The following RALGDS variants were observed in gnomAD, a reference collection of about 807,000 sequenced individuals.
RALGDS encodes ral guanine nucleotide dissociation stimulator, also known as ral guanine nucleotide exchange factor.
RALGDS carries 44 observed loss-of-function variants against 99.8 expected under a neutral mutation model. That is an observed-to-expected ratio of 0.44 (90% confidence interval 0.35 to 0.57). RALGDS has a LOEUF of 0.57. RALGDS is among the 20% of genes least tolerant of loss of function. The probability of loss-of-function intolerance (pLI) is 0.01; values close to 1 mark genes in which losing one functional copy is unlikely to be tolerated. For missense variants in RALGDS, 1,022 were observed against 1,203.1 expected (o/e 0.85, Z 2.23); for synonymous variants, 529 against 505.0 (o/e 1.05, Z -0.64).
chr9:133,098,138 G>C lies in RALGDS; in HGVS notation c.*449C>G. On this transcript the variant is annotated 3_prime_UTR_variant, in exon 18 of 18. Transcript: ENST00000372050. ...GTGCAGCCTGAGAAAGGCTAGAGTG[G>C]TGGGAGGGGCCGGGACCCCTGCGAA... is the stretch of plus-strand genomic sequence containing the variant. 1 of 294,510 alleles carries C rather than the reference G, an allele frequency of 3.4e-6. No homozygotes were observed. Among genetic ancestry groups the C allele is most frequent in the Non-Finnish European group, 6.5e-6 (1 of 153,746 alleles). The allele number at this position is 294,510 out of a possible 1,614,324, so 18.2% of individuals were successfully genotyped here.
rs1247166120 is a variant in RALGDS at position 133,102,474 on chromosome 9, A to C, written c.2009+2T>G. 1 of 1,613,486 alleles carries C rather than the reference A, an allele frequency of 6.2e-7. No homozygotes were observed. Among genetic ancestry groups the C allele is most frequent in the Non-Finnish European group, 8.5e-7 (1 of 1,179,762 alleles). On this transcript the variant is annotated splice_donor_variant, in intron 14 of 17. Transcript: ENST00000372050. LOFTEE classifies it high-confidence loss of function. Reference sequence around the variant, plus strand: ...CCCTACCACCCTTGGCCAGGCCCTTACTCGCTCCAGCGCTTGACAATGGCT... The same window carrying C: ...CCCTACCACCCTTGGCCAGGCCCTTCCTCGCTCCAGCGCTTGACAATGGCT...
Position 133,104,348 on chromosome 9 carries a change from C to G in RALGDS, c.1603-17G>C. On this transcript the variant is annotated splice_polypyrimidine_tract_variant and intron_variant, in intron 9 of 17. Coordinates refer to ENST00000372050, the MANE Select transcript of RALGDS (RefSeq NM_006266.4). The stretch of plus-strand genomic sequence containing the variant: ...GGTGCCCTCCTGCCAGGGTAGAGGA[C>G]AGGGTCAGCAAGGCCCTATCCCCTC... 1 of 1,604,222 alleles carries G rather than the reference C, an allele frequency of 6.2e-7. No individual in the cohort carries two copies. Among genetic ancestry groups the G allele is most frequent in the Non-Finnish European group, 8.5e-7 (1 of 1,171,106 alleles).
intron 4 of RALGDS, 43 bp downstream of exon 4, chr9:133,109,583 G>C (rs748963897): frequency 6.5e-7 from 1 of 1,534,924 alleles, no homozygotes; most frequent in Admixed American, 1.7e-5. Flanking sequence ...CCCACTGTTC[G>C]GTGGGGACAG....
At chr9:133,103,202 C>T (rs1272707886) in intron 12 of RALGDS, 28 bp downstream of exon 12, 1 of 1,613,752 alleles carries the variant, frequency 6.2e-7, no homozygotes, top group Non-Finnish European at 8.5e-7. Flanking sequence ...CACCCCTCCC[C>T]AAGTCAGGGC....
In RALGDS at chr9:133,101,996, T is replaced by G; in HGVS notation, c.2153A>C (p.Asp718Ala). 6.4e-7 allele frequency: 1 copy of G among 1,552,174 alleles called. No homozygotes were observed. The highest frequency in any genetic ancestry group is 8.7e-7 in the Non-Finnish European group (1 of 1,147,448). Residue 718 changes from aspartate (D) to alanine (A), a missense_variant, in exon 15 of 18, where the codon GAC becomes GCC. Transcript: ENST00000372050. Reference sequence around the variant, plus strand: ...GAAGCTGATGTTGATCTCCTCCACGTCGGAGCTAGAGGAGCCGGCCGAGTG... The same window carrying G: ...GAAGCTGATGTTGATCTCCTCCACGGCGGAGCTAGAGGAGCCGGCCGAGTG... ...SVHSAGSSSS[D>A]VEEINISFVP...
chr9:133,104,995 GC>G (rs1830948458), intron 9 of RALGDS, among the ~76,000 whole-genome samples: 1 of 152,120 alleles, frequency 6.6e-6, no homozygotes, highest in Admixed American at 6.5e-5. Flanking sequence ...CTTGCCCTGG[GC>G]CCCCCAGGGA....
chr9:133,110,998 G>A (rs1227209736), intron 2 of RALGDS, among the ~76,000 whole-genome samples: 1 of 152,188 alleles, frequency 6.6e-6, no homozygotes, highest in Non-Finnish European at 1.5e-5. Context: ...AGCCCAGGAG[G>A]TCAAGGCTGC....
intron 1 of RALGDS, among the ~76,000 whole-genome samples, chr9:133,137,722 C>T (rs971982777): frequency 4.6e-5 from 7 of 152,320 alleles, no homozygotes; most frequent in East Asian, 3.9e-4. Context: ...TGCCCTGGGA[C>T]GGTGGAGGCG....
At chr9:133,113,670 T>C (rs998468927) in intron 1 of RALGDS, among the ~76,000 whole-genome samples, 5 of 152,172 alleles carry the variant, frequency 3.3e-5, no homozygotes, top group Non-Finnish European at 7.4e-5. Context: ...TAGAAAGTTG[T>C]TCCTTTGAAA....
rs1212615246 is a variant in RALGDS at position 133,098,337 on chromosome 9, C to A, written c.*250G>T. 4 of 548,768 alleles carry A rather than the reference C, an allele frequency of 7.3e-6. No individual in the cohort carries two copies. The Admixed American group carries it at 9.3e-5, about 13-fold the overall frequency. The allele number at this position is 548,768 out of a possible 1,614,324, so 34.0% of individuals were successfully genotyped here. A position where few individuals can be genotyped will look rare whatever the true frequency, so the allele number is the denominator to read the frequency against. ...CCATGCCATGCCCGTTGGCACTGCT[C>A]CTTGGCAAAAGTCAGCTAGTCCTCT... On this transcript the variant is annotated 3_prime_UTR_variant, in exon 18 of 18. Coordinates refer to ENST00000372050, the MANE Select transcript of RALGDS (RefSeq NM_006266.4).
chr9:133,128,873 C>T (rs1564250313), intron 1 of RALGDS, among the ~76,000 whole-genome samples: 1 of 152,214 alleles, frequency 6.6e-6, no homozygotes, highest in African/African-American at 2.4e-5. Flanking sequence ...GGACAGCCCG[C>T]AGCCACCCTG....
chr9:133,145,598 TA>T (rs1784184477), intron 1 of RALGDS, among the ~76,000 whole-genome samples: 1 of 152,116 alleles, frequency 6.6e-6, no homozygotes, highest in Non-Finnish European at 1.5e-5. Context: ...CACTTCCAGG[TA>T]CTCACAGCCA....
At chr9:133,116,720 C>T (rs1831626559) in intron 1 of RALGDS, among the ~76,000 whole-genome samples, 1 of 152,258 alleles carries the variant, frequency 6.6e-6, no homozygotes, top group South Asian at 2.1e-4. Flanking sequence ...GGACACCCAT[C>T]ACGTTTAATC....
chr9:133,148,823 G>C, intron 1 of RALGDS: 1 of 1,012,544 alleles, frequency 9.9e-7, no homozygotes, highest in African/African-American at 1.7e-5. Context: ...TACTGTCCCG[G>C]GCGGGGTTGG....
intron 9 of RALGDS, among the ~76,000 whole-genome samples, chr9:133,104,957 G>A (rs578257726): frequency 2.8e-3 from 423 of 152,306 alleles, no homozygotes; most frequent in African/African-American, 9.7e-3. Context: ...TCTAGATGAG[G>A]AAACTATGGC....
chr9:133,130,205 C>T (rs1201663991), intron 1 of RALGDS, among the ~76,000 whole-genome samples: 3 of 151,712 alleles, frequency 2.0e-5, no homozygotes, highest in Admixed American at 6.6e-5. Flanking sequence ...CTCCTGACCT[C>T]GTGATATGCC....
chr9:133,115,604 C>G (rs569632129), intron 1 of RALGDS, among the ~76,000 whole-genome samples: 1 of 152,200 alleles, frequency 6.6e-6, no homozygotes, highest in Non-Finnish European at 1.5e-5. Flanking sequence ...GGTGTGTCAT[C>G]TGGGGAGGGC....
At chr9:133,125,206 A>G (rs1006740645), upstream of RALGDS, among the ~76,000 whole-genome samples, 1 of 152,240 alleles carries the variant, frequency 6.6e-6, no homozygotes, top group Non-Finnish European at 1.5e-5. Context: ...GACATTAGAC[A>G]TCTTTTTAGG....
intron 5 of RALGDS, 66 bp downstream of exon 5, chr9:133,108,607 T>C (rs1190662780): frequency 6.3e-7 from 1 of 1,586,318 alleles, no homozygotes; most frequent in African/African-American, 1.4e-5. Flanking sequence ...TGGAGCCTCC[T>C]CTTCGTGTGG....
Sources: allele counts gnomAD v4.1 joint callset (sites outside exome capture counted in the v4.1 genomes callset), GRCh38; gene constraint gnomAD v4.1.1; transcripts MANE v1.5; gene names NCBI Gene and HGNC (gene_info 2026-07-23, HGNC 2026-07-21).